Variants in ERC1 observed in about 807,000 individuals in gnomAD.
ERC1 encodes RAB6 interacting protein 2.
A neutral mutation model predicts 132.0 loss-of-function variants in ERC1; 56 were observed. The ratio of observed to expected loss-of-function variants is 0.42; its 90% CI spans 0.34 to 0.53. ERC1 has a LOEUF of 0.53. Among genes scored for constraint, ERC1 ranks in the 20% least tolerant of loss-of-function variants. The pLI is 0.03. For missense variants in ERC1, 1,202 were observed against 1,349.9 expected, an observed-to-expected ratio of 0.89 and a Z score of 1.72; for synonymous variants, 478 against 476.1, an observed-to-expected ratio of 1.00 and a Z score of -0.05.
intron 16 of ERC1, among the ~76,000 whole-genome samples, chr12:1,388,631 C>T (rs565107794): frequency 5.9e-5 from 9 of 152,044 alleles, no homozygotes; most frequent in South Asian, 4.1e-4. Context: ...TTAGTCTCAC[C>T]GATGTTTTCA....
At chr12:1,001,820 T>C (rs529511704) in intron 1 of ERC1, among the ~76,000 whole-genome samples, 1 of 151,834 alleles carries the variant, frequency 6.6e-6, no homozygotes, top group South Asian at 2.1e-4. Context: ...TGGGCTATTA[T>C]GGATTATGCC....
At chr12:1,098,110 G>C (rs1440965864) in intron 3 of ERC1, among the ~76,000 whole-genome samples, 1 of 152,070 alleles carries the variant, frequency 6.6e-6, no homozygotes, top group Admixed American at 6.6e-5. Context: ...TCTTTGTTTG[G>C]GCTTTCCCTC....
chr12:1,174,989 G>C (rs184280365), intron 8 of ERC1, among the ~76,000 whole-genome samples: 1 of 152,140 alleles, frequency 6.6e-6, no homozygotes, highest in Non-Finnish European at 1.5e-5. Context: ...GCTTCCCAGA[G>C]CATATAAAAA....
intron 8 of ERC1, among the ~76,000 whole-genome samples, chr12:1,154,933 AGAG>A (rs1951224486): frequency 6.6e-6 from 1 of 152,224 alleles, no homozygotes; most frequent in Non-Finnish European, 1.5e-5. Flanking sequence ...TGTGGTGAAA[AGAG>A]AACTCTTACA....
intron 17 of ERC1, among the ~76,000 whole-genome samples, chr12:1,412,025 T>G (rs16928413): frequency 0.026 from 3,890 of 152,332 alleles, 195 homozygotes; most frequent in African/African-American, 0.088. Flanking sequence ...ATATTAACTT[T>G]CATTGGTTTA....
intron 15 of ERC1, among the ~76,000 whole-genome samples, chr12:1,328,816 G>T (rs2082650180): frequency 6.6e-6 from 1 of 150,838 alleles, no homozygotes; most frequent in Admixed American, 6.6e-5. Flanking sequence ...CATGTTTTCT[G>T]TTGAATTAGG....
At chr12:1,328,654 T>TCCC (rs375307708) in intron 15 of ERC1, among the ~76,000 whole-genome samples, 2,142 of 151,114 alleles carry the variant, frequency 0.014, 57 homozygotes, top group African/African-American at 0.049. Context: ...TTTTCCTTTC[T>TCCC]CCCCCCTCCC....
At chr12:1,214,659 TATACATACACACACACACACACAC>T (rs1958208312) in intron 12 of ERC1, among the ~76,000 whole-genome samples, 1 of 94,980 alleles carries the variant, frequency 1.1e-5, no homozygotes, top group Admixed American at 9.1e-5. Flanking sequence ...TGCGTGTGTG[TATACATACACACACACACACACAC>T]ACACACACAC....
At chr12:1,390,378 ACTGT>A (rs1337705226) in intron 16 of ERC1, among the ~76,000 whole-genome samples, 4 of 152,160 alleles carry the variant, frequency 2.6e-5, no homozygotes, top group Non-Finnish European at 5.9e-5. Context: ...GTAAATACCA[ACTGT>A]CTATTAATAT....
chr12:1,242,236 G>C (rs1436547245), intron 13 of ERC1, among the ~76,000 whole-genome samples: 1 of 151,952 alleles, frequency 6.6e-6, no homozygotes, highest in African/African-American at 2.4e-5. Context: ...AAATTTATCA[G>C]TTTTTTCAAC....
chr12:1,367,224 T>G (rs2086745490), intron 15 of ERC1, among the ~76,000 whole-genome samples: 1 of 152,234 alleles, frequency 6.6e-6, no homozygotes, highest in South Asian at 2.1e-4. Context: ...TAAGTTAATC[T>G]AGATTTCAGA....
intron 17 of ERC1, chr12:1,443,299 T>C (rs2093212478): frequency 6.6e-6 from 1 of 152,166 alleles, no homozygotes; most frequent in Admixed American, 6.5e-5. Context: ...ATTGTTTTCA[T>C]AATAAAAACA....
chr12:1,017,894 T>C (rs1012328851), intron 1 of ERC1, among the ~76,000 whole-genome samples: 1 of 152,226 alleles, frequency 6.6e-6, no homozygotes, highest in African/African-American at 2.4e-5. Context: ...ACATAGAGTT[T>C]AATAGAGATT....
intron 1 of ERC1, among the ~76,000 whole-genome samples, chr12:1,010,060 A>C (rs924450109): frequency 6.6e-6 from 1 of 152,218 alleles, no homozygotes; most frequent in African/African-American, 2.4e-5. Flanking sequence ...GCAGAATTTG[A>C]GTCTGTAATT....
At chr12:1,139,655 C>T (rs148656567) in intron 7 of ERC1, among the ~76,000 whole-genome samples, 55 of 151,066 alleles carry the variant, frequency 3.6e-4, no homozygotes, top group East Asian at 2.5e-3. Flanking sequence ...GCAGGAAGGC[C>T]CAGAAAACTG....
chr12:1,368,232 T>A (rs2086849842), intron 15 of ERC1, among the ~76,000 whole-genome samples: 1 of 152,100 alleles, frequency 6.6e-6, no homozygotes, highest in Non-Finnish European at 1.5e-5. Flanking sequence ...CTTTAAAATA[T>A]TTATATCAGT....
chr12:1,378,069 A>G (rs925631541), intron 16 of ERC1, among the ~76,000 whole-genome samples: 5 of 152,220 alleles, frequency 3.3e-5, no homozygotes, highest in African/African-American at 9.6e-5. Flanking sequence ...GTCTTTACCT[A>G]TCTCAAAGTT....
chr12:1,202,441 T>G (rs1956996345), intron 12 of ERC1, among the ~76,000 whole-genome samples: 1 of 152,156 alleles, frequency 6.6e-6, no homozygotes, highest in African/African-American at 2.4e-5. Flanking sequence ...GTGGATTGCT[T>G]GAGTCCAGGA....
chr12:1,466,966 G>A (rs2093755348), intron 18 of ERC1, among the ~76,000 whole-genome samples: 1 of 152,190 alleles, frequency 6.6e-6, no homozygotes, highest in Non-Finnish European at 1.5e-5. Flanking sequence ...AGCATAGTCT[G>A]AACGAGTGAA....
Sources: allele counts gnomAD v4.1 joint callset (sites outside exome capture counted in the v4.1 genomes callset), GRCh38; gene constraint gnomAD v4.1.1; transcripts MANE v1.5; gene names NCBI Gene and HGNC (gene_info 2026-07-23, HGNC 2026-07-21).